Variants in FLT3 observed in about 807,000 individuals in gnomAD.
The protein encoded by FLT3 is fms related receptor tyrosine kinase 3, also known as receptor-type tyrosine-protein kinase FLT3.
Under a neutral mutation model 126.6 loss-of-function variants are expected in FLT3, and 46 were observed. That is an observed-to-expected ratio of 0.36 (90% CI 0.29 to 0.46). The LOEUF is 0.46. FLT3 is among the 20% of genes least tolerant of loss of function. The pLI is 1.00. For missense variants in FLT3, 1,069 were observed against 1,190.3 expected (o/e 0.90, Z 1.50); for synonymous variants, 404 against 434.4 (o/e 0.93, Z 0.87).
At chr13:28,074,832 AT>A (rs1326394992) in intron 1 of FLT3, among the ~76,000 whole-genome samples, 1 of 151,464 alleles carries the variant, frequency 6.6e-6, no homozygotes, top group Non-Finnish European at 1.5e-5. Context: ...TAATTTTTGT[AT>A]TTTTTGTCCA....
chr13:28,076,781 G>T (rs1219055595), intron 1 of FLT3, among the ~76,000 whole-genome samples: 1 of 152,110 alleles, frequency 6.6e-6, no homozygotes, highest in East Asian at 1.9e-4. Context: ...TACAAAATTA[G>T]CCAGGTGTGG....
intron 9 of FLT3, among the ~76,000 whole-genome samples, chr13:28,037,974 G>GA (rs1165738682): frequency 5.9e-5 from 9 of 152,128 alleles, no homozygotes; most frequent in Non-Finnish European, 1.3e-4. Flanking sequence ...CCAATCTATG[G>GA]AAAAATTGTC....
chr13:28,038,433 T>C (rs1593246474), intron 9 of FLT3, among the ~76,000 whole-genome samples: 1 of 150,906 alleles, frequency 6.6e-6, no homozygotes, highest in Non-Finnish European at 1.5e-5. Flanking sequence ...TAACTCGACC[T>C]CCACATAGCC....
intron 23 of FLT3, among the ~76,000 whole-genome samples, chr13:28,005,826 C>G (rs1379505596): frequency 6.6e-6 from 1 of 152,198 alleles, no homozygotes; most frequent in Non-Finnish European, 1.5e-5. Flanking sequence ...CATCTCTTCT[C>G]TTTTGCTGAG....
chr13:28,033,418 C>T (rs192067262), intron 15 of FLT3, among the ~76,000 whole-genome samples: 1 of 152,316 alleles, frequency 6.6e-6, no homozygotes, highest in Non-Finnish European at 1.5e-5. Context: ...AATCCCAACA[C>T]TTTGGGAGGC....
intron 23 of FLT3, among the ~76,000 whole-genome samples, chr13:28,008,212 A>T (rs1419329204): frequency 1.4e-5 from 2 of 144,584 alleles, no homozygotes; most frequent in African/African-American, 5.0e-5. Context: ...GTACTCAGGA[A>T]GCTGAGGTGG....
chr13:28,070,621 C>A lies in FLT3; in HGVS notation c.44-9G>T, dbSNP rs1022113418. 6.3e-7 allele frequency: 1 copy of A among 1,586,864 alleles called. No individual in the cohort carries two copies. The highest frequency in any genetic ancestry group is 8.6e-7 in the Non-Finnish European group (1 of 1,160,248). On this transcript the variant is annotated splice_polypyrimidine_tract_variant and intron_variant, in intron 1 of 23. Coordinates refer to ENST00000241453, the MANE Select transcript of FLT3 (RefSeq NM_004119.3). ...CATTGCAGAAAAAACAACTGTAAAA[C>A]AAAATAAAAATGATAATGTTGATAC...
intron 2 of FLT3, among the ~76,000 whole-genome samples, chr13:28,070,032 T>C (rs1877365005): frequency 6.6e-6 from 1 of 152,188 alleles, no homozygotes; most frequent in African/African-American, 2.4e-5. Context: ...GGAGGATTGC[T>C]TGAGCCCGGG....
intron 1 of FLT3, among the ~76,000 whole-genome samples, chr13:28,090,506 G>A (rs573604825): frequency 2.6e-5 from 4 of 152,214 alleles, no homozygotes; most frequent in Non-Finnish European, 5.9e-5. Flanking sequence ...GGCCAGATGC[G>A]GTGGCTCACA....
At chr13:28,039,063 G>A (rs1420248773) in intron 9 of FLT3, among the ~76,000 whole-genome samples, 1 of 152,100 alleles carries the variant, frequency 6.6e-6, no homozygotes, top group Non-Finnish European at 1.5e-5. Context: ...TGGTTTTGAT[G>A]AGAGGACAAA....
intron 23 of FLT3, among the ~76,000 whole-genome samples, chr13:28,007,788 A>C (rs1425839116): frequency 6.6e-6 from 1 of 152,158 alleles, no homozygotes; most frequent in East Asian, 1.9e-4. Context: ...GAGGATTAAG[A>C]GTTATTAATT....
intron 2 of FLT3, among the ~76,000 whole-genome samples, chr13:28,066,176 G>T (rs917184604): frequency 6.6e-6 from 1 of 152,138 alleles, no homozygotes; most frequent in African/African-American, 2.4e-5. Context: ...GATCCCTTAA[G>T]GCTAAAGACA....
intron 15 of FLT3, among the ~76,000 whole-genome samples, chr13:28,031,027 C>A (rs1045832284): frequency 1.3e-5 from 2 of 152,046 alleles, no homozygotes; most frequent in African/African-American, 4.8e-5. Context: ...GAGATCAAGA[C>A]CATCCTGGCT....
Position 28,031,448 on chromosome 13 carries a change from G to T in FLT3, c.1942+2439C>A, listed in dbSNP as rs952538717. Among the ~76,000 whole-genome samples the T allele has an allele frequency of 2.0e-5, 3 of 152,114 alleles. No homozygotes were observed. The East Asian group carries it at 5.8e-4, about 29-fold the overall frequency. ...TGGGCAAAGGTCGAGAAAGGAGAGAGCACAGCACCACAGACACAGACCCTG... is the reference window on the plus strand; with the variant it reads ...TGGGCAAAGGTCGAGAAAGGAGAGATCACAGCACCACAGACACAGACCCTG... On this transcript the variant is annotated intron_variant, in intron 15 of 23. Transcript: ENST00000241453.
intron 23 of FLT3, among the ~76,000 whole-genome samples, chr13:28,007,599 G>T (rs1246512855): frequency 6.6e-6 from 1 of 152,054 alleles, no homozygotes; most frequent in South Asian, 2.1e-4. Context: ...TAGTATATTT[G>T]TATACTTTGT....
chr13:28,011,463 G>A (rs1295397380), intron 23 of FLT3, among the ~76,000 whole-genome samples: 1 of 152,092 alleles, frequency 6.6e-6, no homozygotes, highest in East Asian at 1.9e-4. Flanking sequence ...ATAGGATTCT[G>A]CAGAGTGGGC....
intron 1 of FLT3, among the ~76,000 whole-genome samples, chr13:28,092,915 C>CTTTTT (rs780584936): frequency 5.6e-5 from 5 of 89,836 alleles, no homozygotes; most frequent in East Asian, 3.3e-4. Flanking sequence ...CCAGAGACTA[C>CTTTTT]TTTTTTTTTT....
intron 1 of FLT3, among the ~76,000 whole-genome samples, chr13:28,086,622 G>A (rs909756594): frequency 1.3e-5 from 1 of 74,272 alleles, no homozygotes; most frequent in African/African-American, 5.6e-5. Context: ...AAGAACTCGT[G>A]TGTGTGTGTG....
intron 19 of FLT3, 113 bp from the exon 20 acceptor site, chr13:28,018,702 T>C (rs1199042610): frequency 4.4e-6 from 5 of 1,134,404 alleles, no homozygotes; most frequent in Admixed American, 3.8e-5. Context: ...AGGCCTCTTA[T>C]CTTTACTGGG....
Sources: gnomAD v4.1 joint callset for allele counts (sites outside exome capture counted in the v4.1 genomes callset) on GRCh38, gnomAD v4.1.1 for gene constraint, MANE v1.5 for transcripts, NCBI Gene and HGNC (gene_info 2026-07-23, HGNC 2026-07-21) for gene names.